TBXAS1: variants seen among roughly 807,000 people sequenced by gnomAD.
TBXAS1 encodes thromboxane A synthase 1.
TBXAS1 carries 48 observed loss-of-function variants against 60.7 expected under a neutral mutation model. The observed-to-expected ratio is 0.79, with a 90% CI of 0.63 to 1.01. The LOEUF (loss-of-function observed/expected upper bound fraction) is 1.01, where lower values mean the gene tolerates loss of function less well. Among genes scored for constraint, TBXAS1 ranks in the 50% least tolerant of loss-of-function variants. TBXAS1 has a pLI of 0.00. For missense variants in TBXAS1, 685 were observed against 686.3 expected (o/e 1.00, Z 0.02); for synonymous variants, 287 against 269.7 (o/e 1.06, Z -0.63).
At chr7:139,980,941 G>GAA (rs5887947) in intron 9 of TBXAS1, among the ~76,000 whole-genome samples, 47 of 146,970 alleles carry the variant, frequency 3.2e-4, no homozygotes, top group African/African-American at 1.1e-3. Context: ...TTCCACAGAT[G>GAA]AAAAAAAAAA....
chr7:139,815,220 A>T (rs891604981), intron 4 of TBXAS1, among the ~76,000 whole-genome samples: 4 of 152,252 alleles, frequency 2.6e-5, no homozygotes, highest in Admixed American at 2.0e-4. Context: ...AAGCACAGGC[A>T]TCAGGACAGA....
intron 1 of TBXAS1, among the ~76,000 whole-genome samples, chr7:139,856,539 GA>G (rs1314659088): frequency 6.6e-6 from 1 of 152,204 alleles, no homozygotes; most frequent in Non-Finnish European, 1.5e-5. Context: ...TGATGGAGGG[GA>G]AAAGGGAATG....
intron 9 of TBXAS1, among the ~76,000 whole-genome samples, chr7:139,992,518 C>T (rs1279472930): frequency 6.6e-6 from 1 of 152,228 alleles, no homozygotes; most frequent in African/African-American, 2.4e-5. Context: ...AGAGGCCACT[C>T]TTGGCAAGAA....
chr7:139,846,455 A>C (rs1284516886), intron 1 of TBXAS1, among the ~76,000 whole-genome samples: 2 of 152,218 alleles, frequency 1.3e-5, no homozygotes, highest in Admixed American at 1.3e-4. Context: ...GGAGGATTAC[A>C]TGAGTAAGAA....
Position 139,958,262 on chromosome 7 carries a change from G to C in TBXAS1, c.819+498G>C, listed in dbSNP as rs188682323. The stretch of plus-strand genomic sequence containing the variant: ...CATGGAGGATGTCGCTACAGAACTC[G>C]TGGTTGAGGGCCCCCTGGACTCCTT... On this transcript the variant is annotated intron_variant, in intron 8 of 12. Coordinates refer to ENST00000448866, the MANE Select transcript of TBXAS1 (RefSeq NM_001061.7). Among the ~76,000 whole-genome samples, 18 of 152,260 alleles carry C rather than the reference G, an allele frequency of 1.2e-4. No homozygotes were observed. In the East Asian group the frequency reaches 3.5e-3, roughly 29 times the overall value.
intron 5 of TBXAS1, among the ~76,000 whole-genome samples, chr7:139,952,997 A>T (rs905619794): frequency 1.3e-5 from 2 of 152,232 alleles, no homozygotes; most frequent in Admixed American, 6.5e-5. Flanking sequence ...GGGATTGTGC[A>T]TATGGATTAG....
At chr7:139,897,783 G>A (rs1210723057) in intron 3 of TBXAS1, among the ~76,000 whole-genome samples, 1 of 152,144 alleles carries the variant, frequency 6.6e-6, no homozygotes, top group East Asian at 1.9e-4. Context: ...AGGGTAACAT[G>A]GGCAGATGTT....
At chr7:139,919,605 C>T (rs115698678) in intron 4 of TBXAS1, among the ~76,000 whole-genome samples, 2,248 of 152,286 alleles carry the variant, frequency 0.015, 61 homozygotes, top group African/African-American at 0.052. Flanking sequence ...CCCTTTCTCC[C>T]GATAATACAT....
chr7:139,889,084 G>A (rs1244209759), intron 3 of TBXAS1, among the ~76,000 whole-genome samples: 1 of 152,104 alleles, frequency 6.6e-6, no homozygotes, highest in African/African-American at 2.4e-5. Context: ...TGTAATTCTA[G>A]CACATTGGGA....
chr7:139,822,944 G>A (rs1487208688), intron 4 of TBXAS1, among the ~76,000 whole-genome samples: 1 of 151,944 alleles, frequency 6.6e-6, no homozygotes, highest in Non-Finnish European at 1.5e-5. Context: ...TTTACCTCCT[G>A]CTCTGGCTTT....
intron 1 of TBXAS1, among the ~76,000 whole-genome samples, chr7:139,857,686 T>C (rs929851879): frequency 1.9e-4 from 29 of 152,108 alleles, no homozygotes; most frequent in African/African-American, 6.7e-4. Context: ...TTTCCCAGGG[T>C]CAGAATCCTG....
intron 4 of TBXAS1, among the ~76,000 whole-genome samples, chr7:139,814,658 A>G (rs1257189563): frequency 6.6e-6 from 1 of 152,136 alleles, no homozygotes; most frequent in East Asian, 1.9e-4. Flanking sequence ...CTGAGCAACA[A>G]GACAAAGCAT....
At chr7:139,809,452 G>A (rs555009932) in intron 4 of TBXAS1, among the ~76,000 whole-genome samples, 3 of 152,174 alleles carry the variant, frequency 2.0e-5, no homozygotes, top group Admixed American at 2.0e-4. Context: ...TATGAGAAGG[G>A]ATTTATTTGG....
At chr7:139,909,833 C>T (rs73482142) in intron 3 of TBXAS1, among the ~76,000 whole-genome samples, 3,535 of 152,220 alleles carry the variant, frequency 0.023, 144 homozygotes, top group African/African-American at 0.082. Flanking sequence ...AGTATAATTT[C>T]ATACACCGAA....
chr7:139,891,039 G>C (rs946788062), intron 3 of TBXAS1, among the ~76,000 whole-genome samples: 1 of 151,938 alleles, frequency 6.6e-6, no homozygotes, highest in African/African-American at 2.4e-5. Context: ...GTCCAGCACA[G>C]AGTTCCCATT....
chr7:140,002,043 A>G (rs1813710858), intron 9 of TBXAS1, among the ~76,000 whole-genome samples: 2 of 152,228 alleles, frequency 1.3e-5, no homozygotes, highest in South Asian at 4.1e-4. Flanking sequence ...ATGTCCGTGC[A>G]TTTTAAAGTT....
chr7:139,824,339 G>C (rs1305927086), upstream of TBXAS1, among the ~76,000 whole-genome samples: 2 of 152,196 alleles, frequency 1.3e-5, no homozygotes, highest in African/African-American at 2.4e-5. Context: ...TGTACACAGG[G>C]TAGCACTTAC....
chr7:139,872,421 G>A (rs756153676), intron 2 of TBXAS1, 93 bp downstream of exon 2: 82 of 1,219,894 alleles, frequency 6.7e-5, no homozygotes, highest in East Asian at 4.7e-4. Flanking sequence ...TTGGGAGGCC[G>A]AAGCGTGTGG....
chr7:139,986,744 C>CAT (rs1214895372), intron 9 of TBXAS1, among the ~76,000 whole-genome samples: 2,249 of 89,290 alleles, frequency 0.025, 31 homozygotes, highest in African/African-American at 0.03. Context: ...TATATACATA[C>CAT]ATATATATAT....
Sources: allele counts gnomAD v4.1 joint callset (sites outside exome capture counted in the v4.1 genomes callset), GRCh38; gene constraint gnomAD v4.1.1; transcripts MANE v1.5; gene names NCBI Gene and HGNC (gene_info 2026-07-23, HGNC 2026-07-21).